The following ZNF608 variants were observed in gnomAD, a reference collection of about 807,000 sequenced individuals.
The protein encoded by ZNF608 is zinc finger protein 608, also known as renal carcinoma antigen NY-REN-36.
A neutral mutation model predicts 109.0 loss-of-function variants in ZNF608; 12 were observed. The ratio of observed to expected loss-of-function variants is 0.11; its 90% CI spans 0.07 to 0.18. The LOEUF is 0.18. Among genes scored for constraint, ZNF608 ranks in the 10% least tolerant of loss-of-function variants. The probability of loss-of-function intolerance (pLI) is 1.00; values close to 1 mark genes in which losing one functional copy is unlikely to be tolerated. For missense variants in ZNF608, 1,707 were observed against 1,879.3 expected, an observed-to-expected ratio of 0.91 and a Z score of 1.70; for synonymous variants, 732 against 717.4, an observed-to-expected ratio of 1.02 and a Z score of -0.33.
At chr5:124,716,079 CT>C in intron 2 of ZNF608, among the ~76,000 whole-genome samples, 1 of 142,704 alleles carries the variant, frequency 7.0e-6, no homozygotes, top group Non-Finnish European at 1.5e-5. Flanking sequence ...GGAGGCGGAG[CT>C]GGCAGTGAGC....
intron 3 of ZNF608, among the ~76,000 whole-genome samples, chr5:124,660,015 T>C (rs1751181759): frequency 6.6e-6 from 1 of 152,200 alleles, no homozygotes; most frequent in Non-Finnish European, 1.5e-5. Context: ...CCACCAGCTG[T>C]GTCCTCTGTA....
chr5:124,646,959 T>G lies in ZNF608; in HGVS notation c.3425A>C (p.Glu1142Ala). 1.2e-6 allele frequency: 2 copies of G among 1,614,088 alleles called. No individual in the cohort carries two copies. The highest frequency in any genetic ancestry group is 1.7e-6 in the Non-Finnish European group (2 of 1,180,010). Residue 1142 changes from glutamate to alanine, a missense_variant, in exon 5 of 10, where the codon GAA becomes GCA. Coordinates refer to ENST00000513986, the MANE Select transcript of ZNF608 (RefSeq NM_020747.3). ...CGATGGCATATTTTTCTGTTTAGTT[T>G]CCTCCTTGCCCAGCTCTTTCAAGGG... ...ELPLKELGKEETKQKNMPSAT... is the reference protein window; with the variant it reads ...ELPLKELGKEATKQKNMPSAT...
intron 2 of ZNF608, among the ~76,000 whole-genome samples, chr5:124,724,047 C>T (rs6864119): frequency 0.97 from 147,418 of 152,268 alleles, 71,387 homozygotes; most frequent in East Asian, 1. Flanking sequence ...ATTGTAGAAA[C>T]TACAGGCAAT....
chr5:124,661,308 C>A (rs1751245988), intron 3 of ZNF608, among the ~76,000 whole-genome samples: 1 of 152,134 alleles, frequency 6.6e-6, no homozygotes, highest in African/African-American at 2.4e-5. Context: ...AGTACCGTGA[C>A]AACAGAAATG....
intron 3 of ZNF608, among the ~76,000 whole-genome samples, chr5:124,694,456 A>G (rs1024173480): frequency 6.6e-6 from 1 of 152,000 alleles, no homozygotes; most frequent in Non-Finnish European, 1.5e-5. Flanking sequence ...TTGATTCACT[A>G]TTTGGGTTGC....
chr5:124,716,934 A>G (rs963888698), intron 2 of ZNF608, among the ~76,000 whole-genome samples: 3 of 151,378 alleles, frequency 2.0e-5, no homozygotes, highest in African/African-American at 4.9e-5. Flanking sequence ...ATACAAAATT[A>G]GCCGGGCCAT....
chr5:124,705,970 A>G lies in ZNF608; in HGVS notation c.907-4701T>C, dbSNP rs990599491. ...GCACCGTGCAACCTGCTAGAACAAG[A>G]GTGGCCCAAACAGACCAGGTCCCTG... On this transcript the variant is annotated intron_variant, in intron 2 of 9. Coordinates refer to ENST00000513986, the MANE Select transcript of ZNF608 (RefSeq NM_020747.3). 4.6e-5 allele frequency among the ~76,000 whole-genome samples: 7 copies of G among 152,252 alleles called. No homozygotes were observed. In the South Asian group the frequency reaches 1.4e-3, roughly 32 times the overall value.
At chr5:124,646,580 C>A (rs1750517476) in intron 5 of ZNF608, 99 bp downstream of exon 5, 3 of 1,430,044 alleles carry the variant, frequency 2.1e-6, no homozygotes, top group Admixed American at 4.6e-5. Flanking sequence ...ATATGGGTTT[C>A]TTTCCTGTGT....
chr5:124,664,642 G>A (rs1467206770), intron 3 of ZNF608, among the ~76,000 whole-genome samples: 1 of 152,158 alleles, frequency 6.6e-6, no homozygotes, highest in Non-Finnish European at 1.5e-5. Context: ...CTCTTGGAAA[G>A]CTTAACTGGC....
chr5:124,741,841 C>T (rs1010702736), intron 2 of ZNF608, among the ~76,000 whole-genome samples: 7 of 152,046 alleles, frequency 4.6e-5, no homozygotes, highest in Non-Finnish European at 1.0e-4. Flanking sequence ...GGGAGGAAAG[C>T]CTTAAGGAAT....
At chr5:124,670,779 T>C (rs1352769995) in intron 3 of ZNF608, among the ~76,000 whole-genome samples, 1 of 152,220 alleles carries the variant, frequency 6.6e-6, no homozygotes, top group Non-Finnish European at 1.5e-5. Flanking sequence ...TTGTGAGGTC[T>C]TCAGAAATAA....
intron 3 of ZNF608, among the ~76,000 whole-genome samples, chr5:124,651,042 C>T (rs752435245): frequency 6.6e-5 from 10 of 152,190 alleles, no homozygotes; most frequent in Non-Finnish European, 1.5e-4. Flanking sequence ...GTCTATGTTG[C>T]TATTACTTAG....
upstream of ZNF608, among the ~76,000 whole-genome samples, chr5:124,748,171 G>T (rs1749706585): frequency 6.6e-6 from 1 of 152,136 alleles, no homozygotes; most frequent in Non-Finnish European, 1.5e-5. Flanking sequence ...CCATTTTCCT[G>T]GATCGCTTTG....
At chr5:124,675,474 T>C (rs559084508) in intron 3 of ZNF608, among the ~76,000 whole-genome samples, 3 of 152,242 alleles carry the variant, frequency 2.0e-5, no homozygotes, top group Non-Finnish European at 4.4e-5. Context: ...TAGGCTAGTA[T>C]GGCCAGTGGC....
intron 3 of ZNF608, among the ~76,000 whole-genome samples, chr5:124,656,362 T>G (rs1239261207): frequency 6.6e-6 from 1 of 152,240 alleles, no homozygotes; most frequent in Non-Finnish European, 1.5e-5. Flanking sequence ...ATTGCTGGTT[T>G]GGATAGATCT....
intron 3 of ZNF608, among the ~76,000 whole-genome samples, chr5:124,692,798 TA>T: frequency 6.6e-6 from 1 of 152,312 alleles, no homozygotes; most frequent in Admixed American, 6.5e-5. Context: ...AAAATATAGA[TA>T]ATGACAGTGG....
intron 9 of ZNF608, among the ~76,000 whole-genome samples, chr5:124,638,139 G>T (rs1750062814): frequency 6.6e-6 from 1 of 151,940 alleles, no homozygotes; most frequent in African/African-American, 2.4e-5. Flanking sequence ...TAGTAGAGAG[G>T]GGGTTTCTCC....
Position 124,746,433 on chromosome 5 carries a change from G to A in ZNF608, c.-422C>T. ...AAAAAAAATGTGTCACTGTACAGCT[G>A]GAAAATAATGTTTCACATTCACAAC... On this transcript the variant is annotated 5_prime_UTR_variant, in exon 1 of 10. Coordinates refer to ENST00000513986, the MANE Select transcript of ZNF608 (RefSeq NM_020747.3). 1 of 985,210 alleles carries A rather than the reference G, an allele frequency of 1.0e-6. No homozygotes were observed. The highest frequency in any genetic ancestry group is 1.2e-6 in the Non-Finnish European group (1 of 829,912). 61.0% of individuals were successfully genotyped at this position (985,210 alleles called of 1,614,324 possible).
At position 124,744,150 on chromosome 5, in the gene ZNF608, C is replaced by A. The variant is rs1749538428; in HGVS notation, c.840G>T (p.Met280Ile). ...CCTCCTCCTCTTCCTTCTTTACCAA[C>A]ATAGAGTTTCCCATGAGCCCTGAAT... ...APDSGLMGNSMLVKKEEEEEE... is the reference protein window; with the variant it reads ...APDSGLMGNSILVKKEEEEEE... The change falls in exon 2 of 10, where the codon ATG becomes ATT. Residue 280 changes from methionine to isoleucine, a missense_variant. This residue lies in a region of ZNF608 where 407 missense variants were observed against 398.7 expected (regional missense o/e 1.02). Transcript: ENST00000513986. The surrounding 1 kb of genome is among the most constrained non-coding windows in gnomAD (Gnocchi z 4.5). 1 of 1,613,128 alleles carries A rather than the reference C, an allele frequency of 6.2e-7. No individual in the cohort carries two copies. Among genetic ancestry groups the A allele is most frequent in the Non-Finnish European group, 8.5e-7 (1 of 1,179,812 alleles).
Sources: gnomAD v4.1 joint callset for allele counts (sites outside exome capture counted in the v4.1 genomes callset) on GRCh38, gnomAD v4.1.1 for gene constraint, gnomAD v4.1.1 regional missense constraint, Gnocchi (gnomAD v3.1) non-coding constraint, MANE v1.5 for transcripts, NCBI Gene and HGNC (gene_info 2026-07-23, HGNC 2026-07-21) for gene names.